The following CDHR3 variants were observed in gnomAD, a reference collection of about 807,000 sequenced individuals.
The protein encoded by CDHR3 is cadherin related family member 3.
Under a neutral mutation model 86.6 loss-of-function variants are expected in CDHR3, and 79 were observed. The observed-to-expected ratio is 0.91, with a 90% confidence interval of 0.76 to 1.10. The LOEUF (loss-of-function observed/expected upper bound fraction) is 1.10, where lower values mean the gene tolerates loss of function less well. CDHR3 is among the 50% of genes least tolerant of loss of function. The pLI, the probability that CDHR3 is intolerant of heterozygous loss-of-function variation, is 0.00. For missense variants in CDHR3, 1,081 were observed against 1,077.6 expected (o/e 1.00, Z -0.04); for synonymous variants, 421 against 402.4 (o/e 1.05, Z -0.55).
chr7:106,000,242 A>C (rs1023128694), intron 6 of CDHR3, among the ~76,000 whole-genome samples: 7 of 152,222 alleles, frequency 4.6e-5, no homozygotes, highest in Non-Finnish European at 8.8e-5. Flanking sequence ...CTCCTCCAGC[A>C]ATGGAGTATA....
chr7:105,997,392 G>A (rs1407878104), intron 6 of CDHR3, among the ~76,000 whole-genome samples: 1 of 152,042 alleles, frequency 6.6e-6, no homozygotes, highest in Non-Finnish European at 1.5e-5. Context: ...TTCAATCCTT[G>A]ACCCTCAATT....
At chr7:106,000,936 G>A (rs1833068582) in intron 6 of CDHR3, among the ~76,000 whole-genome samples, 2 of 146,474 alleles carry the variant, frequency 1.4e-5, no homozygotes, top group Non-Finnish European at 1.5e-5. Flanking sequence ...AGAAAAAAAA[G>A]TGAGCAAACA....
rs1831891303 is a variant in CDHR3, at chr7:105,994,607, G to A, written c.514-144G>A. On this transcript the variant is annotated intron_variant, in intron 4 of 18. Coordinates refer to ENST00000317716, the MANE Select transcript of CDHR3 (RefSeq NM_152750.5). ...TCTGTATTCAAGAGCGATTAAATTGGATAACTGCTCTTTGAACCGCATCCT... is the reference window on the plus strand; with the variant it reads ...TCTGTATTCAAGAGCGATTAAATTGAATAACTGCTCTTTGAACCGCATCCT... 9.1e-6 allele frequency: 6 copies of A among 662,688 alleles called. No homozygotes were observed. In the Admixed American group the frequency reaches 1.4e-4, roughly 15 times the overall value. The allele number at this position is 662,688 out of a possible 1,614,324, so 41.1% of individuals were successfully genotyped here. A position where few individuals can be genotyped will look rare whatever the true frequency, so the allele number is the denominator to read the frequency against.
chr7:106,009,702 G>A (rs1834490219), intron 8 of CDHR3, among the ~76,000 whole-genome samples: 1 of 152,174 alleles, frequency 6.6e-6, no homozygotes, highest in Non-Finnish European at 1.5e-5. Context: ...CCAGCCTTTC[G>A]TACCGTGGCC....
chr7:106,034,109 G>A lies in CDHR3; in HGVS notation c.*1412G>A, dbSNP rs1487104220. 6.6e-6 allele frequency among the ~76,000 whole-genome samples: 1 copy of A among 152,222 alleles called. No individual in the cohort carries two copies. Among genetic ancestry groups the A allele is most frequent in the African/African-American group, 2.4e-5 (1 of 41,452 alleles). On this transcript the variant is annotated 3_prime_UTR_variant, in exon 19 of 19. Coordinates refer to ENST00000317716, the MANE Select transcript of CDHR3 (RefSeq NM_152750.5). The stretch of plus-strand genomic sequence containing the variant: ...TGATTGGAAGGAACTGCAGGACTCT[G>A]AGTGGGGACATACTGGAAGCCCCAT...
At chr7:106,014,135 G>A (rs950326678) in intron 9 of CDHR3, among the ~76,000 whole-genome samples, 6 of 151,886 alleles carry the variant, frequency 4.0e-5, no homozygotes, top group Non-Finnish European at 8.8e-5. Flanking sequence ...TTATTTTTTA[G>A]CTTTTTCTAG....
intron 2 of CDHR3, among the ~76,000 whole-genome samples, chr7:105,978,527 A>AT (rs1829167122): frequency 6.6e-6 from 1 of 152,188 alleles, no homozygotes; most frequent in Non-Finnish European, 1.5e-5. Flanking sequence ...GCCCACAACC[A>AT]AATCGAGGGT....
rs186193339 is a variant in CDHR3 at position 106,024,905 on chromosome 7, G to A, written c.2258+343G>A. On this transcript the variant is annotated intron_variant, in intron 15 of 18. Coordinates refer to ENST00000317716, the MANE Select transcript of CDHR3 (RefSeq NM_152750.5). ...GTTGTAAATAGCGATAGAATATGCC[G>A]TGCTCTTATTTGTAGAATATTTAAA... is the stretch of plus-strand genomic sequence containing the variant. Among the ~76,000 whole-genome samples the A allele has an allele frequency of 1.9e-4, 29 of 152,270 alleles. No homozygotes were observed. The East Asian group carries it at 3.9e-3, about 20-fold the overall frequency.
chr7:106,000,735 A>G (rs1833014940), intron 6 of CDHR3, among the ~76,000 whole-genome samples: 1 of 152,148 alleles, frequency 6.6e-6, no homozygotes, highest in Admixed American at 6.5e-5. Flanking sequence ...TGAAGGTCTG[A>G]GGAAGATGGG....
At chr7:105,984,754 C>T (rs1167142498) in intron 4 of CDHR3, among the ~76,000 whole-genome samples, 1 of 152,114 alleles carries the variant, frequency 6.6e-6, no homozygotes, top group African/African-American at 2.4e-5. Context: ...AGAGATGAAG[C>T]CAAGCTGCTT....
chr7:106,031,787 GT>G (rs1343158550), intron 18 of CDHR3, among the ~76,000 whole-genome samples: 1 of 148,316 alleles, frequency 6.7e-6, no homozygotes, highest in East Asian at 1.9e-4. Flanking sequence ...TTTTTGTGTA[GT>G]TGAGAGAAAA....
chr7:105,970,829 G>A (rs954826700), intron 1 of CDHR3, among the ~76,000 whole-genome samples: 31 of 151,992 alleles, frequency 2.0e-4, no homozygotes, highest in African/African-American at 6.8e-4. Flanking sequence ...TGGAGAAACC[G>A]GATTTTGAAT....
Position 106,034,709 on chromosome 7 carries a change from C to G in CDHR3, c.*2012C>G, listed in dbSNP as rs1446266651. 6.6e-6 allele frequency among the ~76,000 whole-genome samples: 1 copy of G among 152,222 alleles called. No individual in the cohort carries two copies. Among genetic ancestry groups the G allele is most frequent in the Non-Finnish European group, 1.5e-5 (1 of 68,036 alleles). On this transcript the variant is annotated 3_prime_UTR_variant, in exon 19 of 19. Transcript: ENST00000317716. Reference sequence around the variant, plus strand: ...GTCAAATGCTTTCCTTGGAAGCTCTCAGCTTCAATGCAAGTAAAATGAGGT... The same window carrying G: ...GTCAAATGCTTTCCTTGGAAGCTCTGAGCTTCAATGCAAGTAAAATGAGGT...
rs35254288 is a variant in CDHR3, at chr7:106,000,899, CAA to C, written c.714-546_714-545del. Among the ~76,000 whole-genome samples, 97 of 90,666 alleles carry C rather than the reference CAA, an allele frequency of 1.1e-3. 1 individual carries two copies. Among genetic ancestry groups the C allele is most frequent in the African/African-American group, 2.1e-3 (51 of 24,852 alleles). 59.5% of individuals were successfully genotyped at this position (90,666 alleles called of 152,430 possible). ...TGTGCATAAATTCTATATCCTCAGG[CAA>C]AAAAAAAAAAAAAAAAGACAAGGAA... On this transcript the variant is annotated intron_variant, in intron 6 of 18. Transcript: ENST00000317716.
At chr7:106,017,712 C>T (rs921832465) in intron 11 of CDHR3, 134 bp from the exon 12 acceptor site, 1 of 666,554 alleles carries the variant, frequency 1.5e-6, no homozygotes, top group Middle Eastern at 4.2e-4. Flanking sequence ...AGAATTGAAG[C>T]TATAAAACAG....
rs773839180 is a variant in CDHR3, at chr7:106,034,245, T to C, written c.*1548T>C. Among the ~76,000 whole-genome samples, 5 of 152,228 alleles carry C rather than the reference T, an allele frequency of 3.3e-5. No homozygotes were observed. Among genetic ancestry groups the C allele is most frequent in the Non-Finnish European group, 7.3e-5 (5 of 68,036 alleles). ...TTTCCAATGTGTGCCTAGCAGAGCC[T>C]GAGCAAGCTTCACTCGAGCTCTATG... On this transcript the variant is annotated 3_prime_UTR_variant, in exon 19 of 19. Transcript: ENST00000317716.
intron 16 of CDHR3, among the ~76,000 whole-genome samples, chr7:106,028,117 TAAAATAAAATAAAA>T (rs1313475690): frequency 8.9e-5 from 1 of 11,272 alleles, no homozygotes; most frequent in African/African-American, 3.6e-4. Flanking sequence ...GACCCTGTCT[TAAAATAAAATAAAA>T]TAAAATAAAA....
At chr7:106,031,693 G>GAAAA (rs1442696629) in intron 18 of CDHR3, among the ~76,000 whole-genome samples, 3 of 152,048 alleles carry the variant, frequency 2.0e-5, no homozygotes, top group African/African-American at 4.8e-5. Context: ...ATGCTGTATG[G>GAAAA]AAAAGACAAG....
chr7:106,004,157 C>T (rs943293203), intron 7 of CDHR3, among the ~76,000 whole-genome samples: 14 of 152,200 alleles, frequency 9.2e-5, no homozygotes, highest in Non-Finnish European at 1.9e-4. Context: ...CCTGACTGAT[C>T]CTCCAATGTG....
Sources: allele counts gnomAD v4.1 joint callset (sites outside exome capture counted in the v4.1 genomes callset), GRCh38; gene constraint gnomAD v4.1.1; transcripts MANE v1.5; gene names NCBI Gene and HGNC (gene_info 2026-07-23, HGNC 2026-07-21).